Variants in BBOX1 observed in about 807,000 individuals in gnomAD.
The protein encoded by BBOX1 is gamma-butyrobetaine hydroxylase 1.
A neutral mutation model predicts 41.6 loss-of-function variants in BBOX1; 35 were observed. The observed-to-expected ratio is 0.84, with a 90% CI of 0.64 to 1.11. BBOX1 has a LOEUF of 1.11. BBOX1 is among the 50% of genes most tolerant of loss of function. BBOX1 has a pLI of 0.00. For missense variants in BBOX1, 458 were observed against 460.6 expected, an observed-to-expected ratio of 0.99 and a Z score of 0.05; for synonymous variants, 163 against 154.7, an observed-to-expected ratio of 1.05 and a Z score of -0.40.
chr11:27,078,927 G>A (rs982559929), intron 4 of BBOX1, among the ~76,000 whole-genome samples: 2 of 152,180 alleles, frequency 1.3e-5, no homozygotes, highest in African/African-American at 4.8e-5. Context: ...GTGATAAACT[G>A]TAAGTACTTA....
chr11:27,078,283 C>G (rs1295232084), intron 4 of BBOX1, among the ~76,000 whole-genome samples: 1 of 152,116 alleles, frequency 6.6e-6, no homozygotes, highest in Non-Finnish European at 1.5e-5. Flanking sequence ...ATTGAAACAG[C>G]AAGTCTTTCA....
intron 6 of BBOX1, among the ~76,000 whole-genome samples, chr11:27,117,829 T>A (rs1158510457): frequency 6.6e-6 from 1 of 151,924 alleles, no homozygotes; most frequent in Non-Finnish European, 1.5e-5. Context: ...CTTCTTGACA[T>A]TCCTTTAAGG....
At chr11:27,048,532 TGATAGATA>T (rs59647951) in intron 2 of BBOX1, among the ~76,000 whole-genome samples, 136 of 150,320 alleles carry the variant, frequency 9.0e-4, no homozygotes, top group Admixed American at 3.4e-3. Context: ...GATAGATAGA[TGATAGATA>T]GATAGATAGA....
chr11:27,095,928 G>C (rs1229575856), intron 5 of BBOX1, among the ~76,000 whole-genome samples: 2 of 151,958 alleles, frequency 1.3e-5, no homozygotes, highest in Non-Finnish European at 2.9e-5. Flanking sequence ...AACCTAAGCT[G>C]CTTATTGGAA....
At chr11:27,063,540 AT>A (rs1229211636) in intron 4 of BBOX1, among the ~76,000 whole-genome samples, 5 of 151,910 alleles carry the variant, frequency 3.3e-5, no homozygotes, top group East Asian at 1.9e-4. Context: ...CTTTAATAAT[AT>A]TTTTTATAGA....
chr11:27,055,658 C>G lies in BBOX1; in HGVS notation c.219+9C>G. 1 of 1,599,450 alleles carries G rather than the reference C, an allele frequency of 6.3e-7. No individual in the cohort carries two copies. Among genetic ancestry groups the G allele is most frequent in the Non-Finnish European group, 8.6e-7 (1 of 1,167,476 alleles). On this transcript the variant is annotated intron_variant, in intron 3 of 8. Coordinates refer to ENST00000263182, the MANE Select transcript of BBOX1 (RefSeq NM_003986.3). The stretch of plus-strand genomic sequence containing the variant: ...TATTTGACAGAAAAAAGGTAATTAT[C>G]TCTAAATTATGTCTCCCTTCTTTCT...
At chr11:27,126,739 G>A (rs952961032) in intron 8 of BBOX1, among the ~76,000 whole-genome samples, 32 of 148,298 alleles carry the variant, frequency 2.2e-4, no homozygotes, top group Non-Finnish European at 3.8e-4. Flanking sequence ...ACAGTGGCGT[G>A]ATCTCGGCTC....
rs143972595 is a variant in BBOX1, at chr11:27,093,232, T to C, written c.399T>C (p.Tyr133=). The C allele has an allele frequency of 3.3e-4, 539 of 1,612,522 alleles. 1 individual carries two copies. In the African/African-American group the frequency reaches 6.2e-3, roughly 19 times the overall value. ...PTLDFEDVLR[Y]DEHAYKWLST... ...TGGATTTTGAAGATGTTTTAAGATATGATGAACACGCATACAAGTGGCTCT... is the reference window on the plus strand; with the variant it reads ...TGGATTTTGAAGATGTTTTAAGATACGATGAACACGCATACAAGTGGCTCT... The change falls in exon 5 of 9, where the codon TAT becomes TAC. Residue 133 remains tyrosine (Y), a synonymous_variant. Coordinates refer to ENST00000263182, the MANE Select transcript of BBOX1 (RefSeq NM_003986.3).
intron 4 of BBOX1, among the ~76,000 whole-genome samples, chr11:27,069,836 G>T (rs924218785): frequency 6.6e-6 from 1 of 151,960 alleles, no homozygotes; most frequent in Non-Finnish European, 1.5e-5. Flanking sequence ...CATTAGTGGG[G>T]GTTACCTAAA....
At chr11:27,080,297 G>A (rs1857792238) in intron 4 of BBOX1, among the ~76,000 whole-genome samples, 1 of 152,024 alleles carries the variant, frequency 6.6e-6, no homozygotes, top group Non-Finnish European at 1.5e-5. Context: ...TGTGCTCACA[G>A]CAATTTGTAT....
intron 5 of BBOX1, among the ~76,000 whole-genome samples, chr11:27,093,890 T>C (rs113975396): frequency 5.5e-4 from 83 of 152,032 alleles, no homozygotes; most frequent in African/African-American, 1.9e-3. Context: ...TCTCCAAGCA[T>C]TGGGGGTTAG....
chr11:27,061,080 C>A (rs1857119899), intron 4 of BBOX1, among the ~76,000 whole-genome samples: 1 of 152,028 alleles, frequency 6.6e-6, no homozygotes, highest in South Asian at 2.1e-4. Context: ...TTTTATAATC[C>A]TATTGGATTT....
intron 4 of BBOX1, among the ~76,000 whole-genome samples, chr11:27,060,089 C>A (rs1857096187): frequency 1.3e-5 from 2 of 152,102 alleles, no homozygotes; most frequent in African/African-American, 4.8e-5. Context: ...TTTGCATGTT[C>A]CACCCAAATC....
intron 6 of BBOX1, among the ~76,000 whole-genome samples, chr11:27,116,982 C>T (rs902863336): frequency 2.6e-5 from 4 of 152,020 alleles, no homozygotes; most frequent in Middle Eastern, 3.4e-3. Flanking sequence ...GCCACAAATC[C>T]CCAGGAGAAT....
chr11:27,113,098 A>G (rs985505575), intron 5 of BBOX1, among the ~76,000 whole-genome samples: 1 of 152,076 alleles, frequency 6.6e-6, no homozygotes, highest in Admixed American at 6.6e-5. Flanking sequence ...CAAAACCACA[A>G]TGAAATACTA....
At chr11:27,111,125 A>C (rs1217949561) in intron 5 of BBOX1, among the ~76,000 whole-genome samples, 1 of 152,036 alleles carries the variant, frequency 6.6e-6, no homozygotes, top group African/African-American at 2.4e-5. Context: ...CAATAAAATT[A>C]ATCATTTTGT....
chr11:27,084,623 A>G (rs1002036435), intron 4 of BBOX1, among the ~76,000 whole-genome samples: 1 of 152,118 alleles, frequency 6.6e-6, no homozygotes, highest in Non-Finnish European at 1.5e-5. Context: ...CATATTCAAT[A>G]AGCTATTTCA....
intron 2 of BBOX1, among the ~76,000 whole-genome samples, chr11:27,052,754 A>G (rs2133955068): frequency 6.6e-6 from 1 of 152,270 alleles, no homozygotes; most frequent in South Asian, 2.1e-4. Context: ...AAGGAGGTCC[A>G]GACATGACCA....
At chr11:27,049,682 T>C (rs1220543822) in intron 2 of BBOX1, among the ~76,000 whole-genome samples, 2 of 152,178 alleles carry the variant, frequency 1.3e-5, no homozygotes, top group Non-Finnish European at 2.9e-5. Context: ...ATGGCTCCAT[T>C]TGAAAGTGAC....
Sources: gnomAD v4.1 joint callset for allele counts (sites outside exome capture counted in the v4.1 genomes callset) on GRCh38, gnomAD v4.1.1 for gene constraint, MANE v1.5 for transcripts, NCBI Gene and HGNC (gene_info 2026-07-23, HGNC 2026-07-21) for gene names.